Variants in RNF111 observed in about 807,000 individuals in gnomAD.
RNF111 encodes ring finger protein 111.
RNF111 carries 17 observed loss-of-function variants against 95.1 expected under a neutral mutation model. That is an observed-to-expected ratio of 0.18 (90% CI 0.12 to 0.27). The LOEUF (loss-of-function observed/expected upper bound fraction) is 0.27. RNF111 is among the 10% of genes least tolerant of loss of function. RNF111 has a pLI of 1.00. For synonymous variants in RNF111, 440 were observed against 414.8 expected, an observed-to-expected ratio of 1.06 and a Z score of -0.74; for missense variants, 1,189 against 1,210.4, an observed-to-expected ratio of 0.98 and a Z score of 0.26.
intron 1 of RNF111, among the ~76,000 whole-genome samples, chr15:59,000,556 A>G (rs1374574398): frequency 6.6e-6 from 1 of 152,060 alleles, no homozygotes; most frequent in Non-Finnish European, 1.5e-5. Context: ...TACGAAAAAT[A>G]CAAAACAGCC....
At chr15:59,004,905 A>T (rs2141476298) in intron 1 of RNF111, among the ~76,000 whole-genome samples, 3 of 152,362 alleles carry the variant, frequency 2.0e-5, no homozygotes, top group Middle Eastern at 6.8e-3. Flanking sequence ...TAAGATGCTC[A>T]CATTCTGAGA....
chr15:59,013,683 GGTT>G (rs2039933374), intron 1 of RNF111, among the ~76,000 whole-genome samples: 1 of 152,118 alleles, frequency 6.6e-6, no homozygotes, highest in Non-Finnish European at 1.5e-5. Context: ...GTGGGGGAGG[GGTT>G]GTTAAGTTTC....
At chr15:59,002,010 G>A (rs1007969111) in intron 1 of RNF111, among the ~76,000 whole-genome samples, 18 of 152,252 alleles carry the variant, frequency 1.2e-4, no homozygotes, top group East Asian at 9.7e-4. Flanking sequence ...TTGTGATGAC[G>A]GAAAATGATG....
In RNF111 at chr15:58,988,019, G is replaced by A. The variant is rs1425769110; in HGVS notation, c.-69G>A. The stretch of plus-strand genomic sequence containing the variant: ...CCTTACATTTCTGTCTTCCTTCCTG[G>A]GTCAGTGATTCCCGGACCCTGGAAG... On this transcript the variant is annotated 5_prime_UTR_variant, in exon 1 of 14. Coordinates refer to ENST00000348370, the MANE Select transcript of RNF111 (RefSeq NM_017610.8). 3 of 152,008 alleles carry A rather than the reference G, an allele frequency of 2.0e-5. No homozygotes were observed. Among genetic ancestry groups the A allele is most frequent in the Non-Finnish European group, 4.4e-5 (3 of 68,044 alleles). The allele number at this position is 152,008 out of a possible 1,614,324, so 9.4% of individuals were successfully genotyped here.
At chr15:59,012,003 C>CTT (rs71425836) in intron 1 of RNF111, among the ~76,000 whole-genome samples, 1,054 of 40,344 alleles carry the variant, frequency 0.026, 211 homozygotes, top group Non-Finnish European at 0.028. Flanking sequence ...GTTTGTTTGC[C>CTT]TTTTTTTTTT....
intron 8 of RNF111, 153 bp from the exon 9 acceptor site, chr15:59,083,976 T>G: frequency 2.0e-6 from 1 of 507,106 alleles, no homozygotes; most frequent in Admixed American, 4.7e-5. Flanking sequence ...ACAAATAATT[T>G]TATATGTTTT....
chr15:59,008,119 T>C (rs1393854169), intron 1 of RNF111, among the ~76,000 whole-genome samples: 2 of 152,320 alleles, frequency 1.3e-5, no homozygotes. Context: ...TCTAGAAGCT[T>C]TATAGTTTTA....
chr15:59,005,354 T>G (rs2039495493), intron 1 of RNF111, among the ~76,000 whole-genome samples: 1 of 152,184 alleles, frequency 6.6e-6, no homozygotes, highest in Non-Finnish European at 1.5e-5. Flanking sequence ...TTCTCCAGAT[T>G]ACATATTTTG....
intron 5 of RNF111, among the ~76,000 whole-genome samples, chr15:59,065,012 A>C (rs533861772): frequency 6.6e-6 from 1 of 152,158 alleles, no homozygotes; most frequent in South Asian, 2.1e-4. Context: ...GTAAACAAGC[A>C]GAAGATTCCT....
chr15:59,062,454 G>C (rs1222265045), intron 5 of RNF111, among the ~76,000 whole-genome samples: 2 of 152,152 alleles, frequency 1.3e-5, no homozygotes, highest in Non-Finnish European at 2.9e-5. Context: ...ACCTCTCCAT[G>C]TGGTCCTTGT....
At position 59,058,430 on chromosome 15, in the gene RNF111, C is replaced by G. The variant is rs374498644; in HGVS notation, c.1246C>G (p.Pro416Ala). 2 of 1,614,122 alleles carry G rather than the reference C, an allele frequency of 1.2e-6. No individual in the cohort carries two copies. Among genetic ancestry groups the G allele is most frequent in the Non-Finnish European group, 1.7e-6 (2 of 1,179,994 alleles). Residue 416 changes from proline to alanine, a missense_variant, in exon 5 of 14, where the codon CCA (proline) becomes GCA (alanine). Physicochemically the swap from Pro to Ala is conservative, Grantham distance 27. Transcript: ENST00000348370. ...ATSASINNSN[P>A]STSEQASDTA... ...TAGCGCTTCCATTAACAATTCAAAT[C>G]CATCTACCTCTGAGCAGGCCTCTGA...
intron 2 of RNF111, among the ~76,000 whole-genome samples, chr15:59,043,398 C>CT (rs1451991124): frequency 2.6e-5 from 4 of 152,190 alleles, no homozygotes; most frequent in African/African-American, 9.7e-5. Context: ...CTCAGGTGAT[C>CT]TGCCTGCCTT....
At position 59,031,580 on chromosome 15, in the gene RNF111, C is replaced by G. The variant is rs779691326; in HGVS notation, c.758C>G (p.Ser253Cys). 2.5e-6 allele frequency: 4 copies of G among 1,614,156 alleles called. No individual in the cohort carries two copies. The highest frequency in any genetic ancestry group is 2.5e-6 in the Non-Finnish European group (3 of 1,180,030). The change falls in exon 2 of 14, where the codon TCT becomes TGT. Residue 253 changes from serine (S) to cysteine (C), a missense_variant. Ser to Cys is a moderately radical substitution (Grantham distance 112, BLOSUM62 -1). Transcript: ENST00000348370. Reference protein sequence around the residue: ...ARRKYALLPSSSSSSENDLSS... With the variant: ...ARRKYALLPSCSSSSENDLSS... ...AGAAAATATGCCTTGCTACCTAGTTCTAGTAGTTCCAGTGAGAATGACCTC... is the reference window on the plus strand; with the variant it reads ...AGAAAATATGCCTTGCTACCTAGTTGTAGTAGTTCCAGTGAGAATGACCTC...
chr15:59,004,193 GT>G, intron 1 of RNF111: 1 of 1,072,516 alleles, frequency 9.3e-7, no homozygotes, highest in Non-Finnish European at 1.2e-6. Context: ...TTTGTTTTTA[GT>G]TATCTTCCTT....
At chr15:59,036,260 G>T (rs2041172487) in intron 2 of RNF111, among the ~76,000 whole-genome samples, 2 of 152,052 alleles carry the variant, frequency 1.3e-5, no homozygotes, top group Non-Finnish European at 2.9e-5. Context: ...GTTTCACCAT[G>T]GTGGCCGGGC....
chr15:59,035,122 A>G (rs2041109751), intron 2 of RNF111, among the ~76,000 whole-genome samples: 1 of 152,136 alleles, frequency 6.6e-6, no homozygotes, highest in Non-Finnish European at 1.5e-5. Context: ...AAACCATCAG[A>G]CCTTGTGAGA....
chr15:59,067,817 G>A (rs1272063527), intron 6 of RNF111, among the ~76,000 whole-genome samples: 1 of 152,076 alleles, frequency 6.6e-6, no homozygotes, highest in African/African-American at 2.4e-5. Context: ...TCCTACTGTA[G>A]AGTTCACTAT....
chr15:59,067,701 A>G (rs1215507529), intron 6 of RNF111, among the ~76,000 whole-genome samples: 2 of 152,250 alleles, frequency 1.3e-5, no homozygotes, highest in Non-Finnish European at 2.9e-5. Context: ...AGTTAAATAC[A>G]GTTGGATCTG....
intron 11 of RNF111, among the ~76,000 whole-genome samples, chr15:59,090,099 T>C (rs975587437): frequency 6.6e-6 from 1 of 152,194 alleles, no homozygotes; most frequent in African/African-American, 2.4e-5. Context: ...GAGAAATCGG[T>C]AGAGAAAAAG....
Sources: gnomAD v4.1 joint callset for allele counts (sites outside exome capture counted in the v4.1 genomes callset) on GRCh38, gnomAD v4.1.1 for gene constraint, MANE v1.5 for transcripts, NCBI Gene and HGNC (gene_info 2026-07-23, HGNC 2026-07-21) for gene names.